GALNT2: variants seen among roughly 807,000 people sequenced by gnomAD.
GALNT2 encodes the protein UDP-GalNAc:polypeptide N-acetylgalactosaminyltransferase 2.
In GALNT2, 31 loss-of-function variants were observed where a neutral mutation model predicts 81.4. The ratio of observed to expected loss-of-function variants is 0.38; its 90% CI spans 0.29 to 0.51. The LOEUF (loss-of-function observed/expected upper bound fraction) is 0.51, where lower values mean the gene tolerates loss of function less well. GALNT2 is among the 20% of genes least tolerant of loss of function. The pLI is 0.87. For synonymous variants in GALNT2, 303 were observed against 287.4 expected (o/e 1.05, Z -0.55); for missense variants, 629 against 765.7 (o/e 0.82, Z 2.11).
chr1:230,082,416 C>T (rs1558274872), intron 1 of GALNT2, among the ~76,000 whole-genome samples: 1 of 152,182 alleles, frequency 6.6e-6, no homozygotes, highest in Non-Finnish European at 1.5e-5. Flanking sequence ...GGCTTTAAGC[C>T]CTGCCTTGCC....
chr1:230,060,451 G>A (rs1053150409), intron 1 of GALNT2, among the ~76,000 whole-genome samples: 2 of 152,102 alleles, frequency 1.3e-5, no homozygotes, highest in African/African-American at 4.8e-5. Flanking sequence ...ACCCTCATAA[G>A]TGATGCTAGT....
At chr1:230,235,213 CAAAAAAAA>C (rs10532058) in intron 3 of GALNT2, among the ~76,000 whole-genome samples, 3 of 76,730 alleles carry the variant, frequency 3.9e-5, no homozygotes, top group African/African-American at 9.8e-5. Flanking sequence ...GACCCTGTCT[CAAAAAAAA>C]AAAAAAAAAA....
intron 11 of GALNT2, chr1:230,262,281 A>G (rs1268889729): frequency 2.7e-6 from 1 of 370,202 alleles, no homozygotes; most frequent in Non-Finnish European, 4.8e-6. Context: ...TCCCTCCTTT[A>G]AAATATTGGC....
intron 1 of GALNT2, among the ~76,000 whole-genome samples, chr1:230,120,351 A>G (rs114514985): frequency 0.17 from 25,305 of 146,400 alleles, 2,180 homozygotes; most frequent in South Asian, 0.24. Flanking sequence ...ATGCCCTTGG[A>G]TGCCTGCCTT....
At chr1:230,081,258 A>C (rs1279664296) in intron 1 of GALNT2, among the ~76,000 whole-genome samples, 1 of 152,132 alleles carries the variant, frequency 6.6e-6, no homozygotes, top group Non-Finnish European at 1.5e-5. Context: ...AGCTGGTGTG[A>C]GGACCGAGTG....
chr1:230,227,107 T>A (rs1195244302), intron 3 of GALNT2, among the ~76,000 whole-genome samples: 1 of 152,122 alleles, frequency 6.6e-6, no homozygotes, highest in Non-Finnish European at 1.5e-5. Flanking sequence ...TGTAAATAAA[T>A]TTGAAACTTA....
In GALNT2 at chr1:230,119,821, T is replaced by C. The variant is rs546014738; in HGVS notation, c.126+52415T>C. On this transcript the variant is annotated intron_variant, in intron 1 of 15. Transcript: ENST00000366672. ...TTTGCATTTCAGCTTATTCCAGTTA[T>C]TATTATTAGGGTTCACATTTTCCCA... Among the ~76,000 whole-genome samples the C allele has an allele frequency of 1.1e-3, 169 of 152,278 alleles. 1 individual carries two copies. The highest frequency in any genetic ancestry group is 3.9e-3 in the African/African-American group (162 of 41,550).
chr1:230,234,306 G>A (rs1664958510), intron 3 of GALNT2, among the ~76,000 whole-genome samples: 1 of 152,150 alleles, frequency 6.6e-6, no homozygotes, highest in Non-Finnish European at 1.5e-5. Flanking sequence ...AGGTCAGAGA[G>A]AGACCTTGGT....
chr1:230,085,384 G>A (rs1227369637), intron 1 of GALNT2, among the ~76,000 whole-genome samples: 1 of 152,154 alleles, frequency 6.6e-6, no homozygotes, highest in Non-Finnish European at 1.5e-5. Flanking sequence ...CCTTTGTTTT[G>A]GGTTAAATGA....
At chr1:230,216,354 G>T (rs1187755142) in intron 3 of GALNT2, among the ~76,000 whole-genome samples, 2 of 152,188 alleles carry the variant, frequency 1.3e-5, no homozygotes, top group Non-Finnish European at 2.9e-5. Flanking sequence ...TACTTGTGAT[G>T]TTTCTAATGA....
chr1:230,113,471 A>G (rs532141718), intron 1 of GALNT2, among the ~76,000 whole-genome samples: 1 of 152,152 alleles, frequency 6.6e-6, no homozygotes, highest in Non-Finnish European at 1.5e-5. Flanking sequence ...GTAGAGGTGG[A>G]TAAGAAGAAG....
At chr1:230,178,780 C>G (rs996064006) in intron 2 of GALNT2, among the ~76,000 whole-genome samples, 1 of 151,968 alleles carries the variant, frequency 6.6e-6, no homozygotes, top group African/African-American at 2.4e-5. Context: ...CATCATCACC[C>G]GAAGTCTGTA....
intron 1 of GALNT2, among the ~76,000 whole-genome samples, chr1:230,150,645 A>G (rs1327887138): frequency 2.0e-5 from 3 of 152,232 alleles, no homozygotes; most frequent in East Asian, 1.9e-4. Context: ...CTTAAGCTCT[A>G]CTTATAATTC....
Position 230,243,422 on chromosome 1 carries a change from G to A in GALNT2, c.724G>A (p.Ala242Thr). The A allele has an allele frequency of 6.2e-7, 1 of 1,611,464 alleles. No individual in the cohort carries two copies. Among genetic ancestry groups the A allele is most frequent in the Non-Finnish European group, 8.5e-7 (1 of 1,179,772 alleles). Reference sequence around the variant, plus strand: ...GCTGGAGCCCCTCCTGGAAAGGGTGGCGGAGGTGAGATGACGGGGGCTGGG... The same window carrying A: ...GCTGGAGCCCCTCCTGGAAAGGGTGACGGAGGTGAGATGACGGGGGCTGGG... ...HWLEPLLERV[A>T]EDRTRVVSPI... Residue 242 changes from alanine (A) to threonine (T), a missense_variant, in exon 7 of 16, where the codon GCG becomes ACG. Transcript: ENST00000366672. This position sits in a 1 kb window ranked among gnomAD's most constrained non-coding sequence, Gnocchi z 4.2.
chr1:230,157,725 G>T (rs1662304912), intron 1 of GALNT2, among the ~76,000 whole-genome samples: 1 of 152,190 alleles, frequency 6.6e-6, no homozygotes, highest in Non-Finnish European at 1.5e-5. Context: ...TAAGAAGCCA[G>T]GTCCAAAGGC....
intron 1 of GALNT2, among the ~76,000 whole-genome samples, chr1:230,061,438 G>C (rs915262502): frequency 1.3e-5 from 2 of 151,936 alleles, no homozygotes; most frequent in African/African-American, 4.8e-5. Flanking sequence ...AAAAAATAAA[G>C]GGCTTTAAAA....
At chr1:230,109,688 C>A (rs959063205) in intron 1 of GALNT2, among the ~76,000 whole-genome samples, 1 of 152,130 alleles carries the variant, frequency 6.6e-6, no homozygotes, top group Non-Finnish European at 1.5e-5. Context: ...ATTAGCTGGG[C>A]GTGGTGGCAG....
intron 2 of GALNT2, among the ~76,000 whole-genome samples, chr1:230,188,442 C>T (rs1394044655): frequency 6.6e-6 from 1 of 152,164 alleles, no homozygotes; most frequent in Non-Finnish European, 1.5e-5. Context: ...GCTCTAGGCT[C>T]AGCTGTGCCA....
chr1:230,225,395 G>A (rs751767303), intron 3 of GALNT2, among the ~76,000 whole-genome samples: 4 of 152,156 alleles, frequency 2.6e-5, no homozygotes, highest in African/African-American at 7.2e-5. Context: ...AGATGCATCC[G>A]CAGCCCAGTT....
Sources: allele counts gnomAD v4.1 joint callset (sites outside exome capture counted in the v4.1 genomes callset), GRCh38; gene constraint gnomAD v4.1.1; non-coding constraint Gnocchi (gnomAD v3.1); transcripts MANE v1.5; gene names NCBI Gene and HGNC (gene_info 2026-07-23, HGNC 2026-07-21).